The following DPYSL2 variants were observed in gnomAD, a reference collection of about 807,000 sequenced individuals.
The protein encoded by DPYSL2 is dihydropyrimidinase-related protein 2.
In DPYSL2, 13 loss-of-function variants were observed where a neutral mutation model predicts 69.9. The ratio of observed to expected loss-of-function variants is 0.19; its 90% confidence interval spans 0.12 to 0.30. The LOEUF is 0.30. DPYSL2 is among the 10% of genes least tolerant of loss of function. The pLI is 1.00. For missense variants in DPYSL2, 587 were observed against 918.9 expected, an observed-to-expected ratio of 0.64 and a Z score of 4.67; for synonymous variants, 326 against 359.1, an observed-to-expected ratio of 0.91 and a Z score of 1.04.
In DPYSL2 at chr8:26,643,866, A is replaced by G. The variant is rs1803105534; in HGVS notation, c.1284-84A>G. ...ACTCCACTTGGGTTGGTGTGATGCC[A>G]TTCATGAGACAGCCCACCAAATAGG... is the stretch of plus-strand genomic sequence containing the variant. On this transcript the variant is annotated intron_variant, in intron 9 of 13. Coordinates refer to ENST00000521913, the MANE Select transcript of DPYSL2 (RefSeq NM_001197293.3). This position sits in a 1 kb window ranked among gnomAD's most constrained non-coding sequence, Gnocchi z 6.5. 2.6e-6 allele frequency: 4 copies of G among 1,513,468 alleles called. No homozygotes were observed. In the Admixed American group the frequency reaches 6.1e-5, roughly 23 times the overall value. 93.8% of individuals were successfully genotyped at this position (1,513,468 alleles called of 1,614,324 possible).
intron 1 of DPYSL2, among the ~76,000 whole-genome samples, chr8:26,566,977 G>T (rs138745910): frequency 6.7e-6 from 1 of 149,126 alleles, no homozygotes; most frequent in Non-Finnish European, 1.5e-5. Flanking sequence ...CCATCCACCC[G>T]TCATCTGTCT....
intron 10 of DPYSL2, among the ~76,000 whole-genome samples, chr8:26,645,811 A>G (rs1343662111): frequency 1.3e-5 from 2 of 151,792 alleles, no homozygotes; most frequent in Non-Finnish European, 2.9e-5. Context: ...TGACCTCCCA[A>G]AGTGCTGGCA....
At position 26,641,912 on chromosome 8, in the gene DPYSL2, A is replaced by T. The variant is rs1477283964; in HGVS notation, c.1127-1527A>T. On this transcript the variant is annotated intron_variant, in intron 8 of 13. Transcript: ENST00000521913. The surrounding 1 kb of genome is among the most constrained non-coding windows in gnomAD (Gnocchi z 4.1). Reference sequence around the variant, plus strand: ...CCAGCTCTCAGAGTGGCCGACAGGGAGGGTGTTGTGGTGTATCATCAAGTG... The same window carrying T: ...CCAGCTCTCAGAGTGGCCGACAGGGTGGGTGTTGTGGTGTATCATCAAGTG... Among the ~76,000 whole-genome samples, 1 of 152,072 alleles carries T rather than the reference A, an allele frequency of 6.6e-6. No homozygotes were observed. Among genetic ancestry groups the T allele is most frequent in the Non-Finnish European group, 1.5e-5 (1 of 68,004 alleles).
chr8:26,569,708 G>C (rs746158905), intron 1 of DPYSL2, among the ~76,000 whole-genome samples: 3 of 152,148 alleles, frequency 2.0e-5, no homozygotes, highest in Non-Finnish European at 4.4e-5. Flanking sequence ...CTGAGACAAG[G>C]AAGAGTAGGA....
At chr8:26,525,522 T>C (rs1808462417) in intron 1 of DPYSL2, among the ~76,000 whole-genome samples, 1 of 152,244 alleles carries the variant, frequency 6.6e-6, no homozygotes, top group African/African-American at 2.4e-5. Context: ...ATGCTCAGCC[T>C]GAATTTCATT....
At position 26,627,603 on chromosome 8, in the gene DPYSL2, C is replaced by T. The variant is rs141927256; in HGVS notation, c.937-269C>T. Among the ~76,000 whole-genome samples the T allele has an allele frequency of 1.3e-3, 199 of 152,250 alleles. No homozygotes were observed. Among genetic ancestry groups the T allele is most frequent in the Non-Finnish European group, 2.2e-3 (151 of 68,020 alleles). On this transcript the variant is annotated intron_variant, in intron 6 of 13. Coordinates refer to ENST00000521913, the MANE Select transcript of DPYSL2 (RefSeq NM_001197293.3). The surrounding 1 kb of genome is among the most constrained non-coding windows in gnomAD (Gnocchi z 6.9). ...CACGTCACACACAGGCATTTTACAC[C>T]GTGGCTGAGGGTTGCAAATGCACCA... is the stretch of plus-strand genomic sequence containing the variant.
intron 1 of DPYSL2, among the ~76,000 whole-genome samples, chr8:26,534,776 G>T (rs1800565293): frequency 1.3e-5 from 2 of 152,024 alleles, no homozygotes; most frequent in Non-Finnish European, 2.9e-5. Context: ...AGGACTACAG[G>T]CATCGGCCAC....
intron 1 of DPYSL2, chr8:26,578,360 A>G: frequency 6.2e-7 from 1 of 1,602,318 alleles, no homozygotes; most frequent in Admixed American, 1.8e-5. Flanking sequence ...GGTCTAAGGA[A>G]TTTTTAAAAA....
intron 3 of DPYSL2, among the ~76,000 whole-genome samples, chr8:26,611,466 C>T (rs1802226521): frequency 6.6e-6 from 1 of 152,126 alleles, no homozygotes; most frequent in African/African-American, 2.4e-5. Context: ...CTTCTTGGGA[C>T]TTTGGAAAGC....
chr8:26,581,617 G>A (rs908031296), intron 1 of DPYSL2, among the ~76,000 whole-genome samples: 5 of 151,800 alleles, frequency 3.3e-5, no homozygotes, highest in African/African-American at 1.2e-4. Flanking sequence ...CAGGTGATCC[G>A]CCCATCTTGG....
chr8:26,596,881 G>C (rs1311008568), intron 3 of DPYSL2, among the ~76,000 whole-genome samples: 1 of 152,182 alleles, frequency 6.6e-6, no homozygotes, highest in Non-Finnish European at 1.5e-5. Flanking sequence ...GCCCAGCCTT[G>C]TGACAGGTGC....
intron 1 of DPYSL2, among the ~76,000 whole-genome samples, chr8:26,549,043 G>A (rs1055435456): frequency 1.3e-5 from 2 of 151,852 alleles, no homozygotes; most frequent in African/African-American, 4.8e-5. Flanking sequence ...ACAAAAATTA[G>A]CTAGGGATGG....
At chr8:26,622,312 A>T (rs1231296032) in intron 3 of DPYSL2, among the ~76,000 whole-genome samples, 1 of 151,888 alleles carries the variant, frequency 6.6e-6, no homozygotes, top group Non-Finnish European at 1.5e-5. Flanking sequence ...ACTGGACATC[A>T]TTTTTGTTTT....
At chr8:26,601,069 C>T (rs1025920620) in intron 3 of DPYSL2, among the ~76,000 whole-genome samples, 2 of 152,312 alleles carry the variant, frequency 1.3e-5, no homozygotes, top group South Asian at 4.1e-4. Context: ...CCATTCCTGC[C>T]GCTGATGGAG....
Position 26,626,556 on chromosome 8 carries a change from C to A in DPYSL2, c.794-61C>A. On this transcript the variant is annotated intron_variant, in intron 4 of 13. Transcript: ENST00000521913. The surrounding 1 kb of genome is among the most constrained non-coding windows in gnomAD (Gnocchi z 4.3). ...ACAGACAGTATTATCACTTTCTTAT[C>A]CCTTATTTGGTTATTTGGTTTATCT... The A allele has an allele frequency of 1.4e-6, 2 of 1,479,398 alleles. No homozygotes were observed. The highest frequency in any genetic ancestry group is 1.9e-6 in the Non-Finnish European group (2 of 1,060,194). 91.6% of individuals were successfully genotyped at this position (1,479,398 alleles called of 1,614,324 possible).
chr8:26,596,938 G>C (rs550872227), intron 3 of DPYSL2, among the ~76,000 whole-genome samples: 1 of 152,308 alleles, frequency 6.6e-6, no homozygotes, highest in South Asian at 2.1e-4. Context: ...TTGCCCTCAG[G>C]TACAGGGCTC....
chr8:26,606,849 G>A (rs1046254055), intron 3 of DPYSL2, among the ~76,000 whole-genome samples: 1 of 152,102 alleles, frequency 6.6e-6, no homozygotes, highest in Admixed American at 6.5e-5. Context: ...ATTCTGAGGG[G>A]GGAAGAATAA....
rs537488043 is a variant in DPYSL2 at position 26,654,943 on chromosome 8, G to A, written c.1943-672G>A. On this transcript the variant is annotated intron_variant, in intron 13 of 13. Transcript: ENST00000521913. The surrounding 1 kb of genome is among the most constrained non-coding windows in gnomAD (Gnocchi z 5.0). ...TGCAGCCTCGACCTCCTGGGCTCAA[G>A]TGATCCTCCCAGCTCAGCCTCCCCA... Among the ~76,000 whole-genome samples, 1 of 152,242 alleles carries A rather than the reference G, an allele frequency of 6.6e-6. No homozygotes were observed. Among genetic ancestry groups the A allele is most frequent in the South Asian group, 2.1e-4 (1 of 4,820 alleles).
chr8:26,602,335 G>A (rs763703809), intron 3 of DPYSL2, among the ~76,000 whole-genome samples: 5 of 151,334 alleles, frequency 3.3e-5, no homozygotes, highest in Admixed American at 2.6e-4. Context: ...GATCTCTCTC[G>A]TCCTCCTAAA....
Sources: allele counts gnomAD v4.1 joint callset (sites outside exome capture counted in the v4.1 genomes callset), GRCh38; gene constraint gnomAD v4.1.1; non-coding constraint Gnocchi (gnomAD v3.1); transcripts MANE v1.5; gene names NCBI Gene and HGNC (gene_info 2026-07-23, HGNC 2026-07-21).